KIF20B: variants seen among roughly 807,000 people sequenced by gnomAD.
KIF20B encodes kinesin family member 20B.
A neutral mutation model predicts 232.5 loss-of-function variants in KIF20B; 188 were observed. The observed-to-expected ratio is 0.81, with a 90% CI of 0.72 to 0.91. The LOEUF (loss-of-function observed/expected upper bound fraction) is 0.91, where lower values mean the gene tolerates loss of function less well. KIF20B is among the 40% of genes least tolerant of loss of function. KIF20B has a pLI of 0.00. For synonymous variants in KIF20B, 712 were observed against 683.0 expected, an observed-to-expected ratio of 1.04 and a Z score of -0.66; for missense variants, 2,154 against 2,055.9, an observed-to-expected ratio of 1.05 and a Z score of -0.92.
chr10:89,728,905 TTGTGTGTGTGTGTGTGTGTG>T (rs71022581), intron 17 of KIF20B, among the ~76,000 whole-genome samples: 3 of 138,024 alleles, frequency 2.2e-5, no homozygotes, highest in African/African-American at 8.4e-5. Context: ...TCTTTTTTCT[TTGTGTGTGTGTGTGTGTGTG>T]TGTGTGTGTG....
chr10:89,721,468 T>G (rs1843054911), intron 13 of KIF20B, among the ~76,000 whole-genome samples: 1 of 152,066 alleles, frequency 6.6e-6, no homozygotes, highest in Admixed American at 6.5e-5. Context: ...GCTCAGGAGT[T>G]CAAAACTAGC....
chr10:89,774,156 A>G lies in KIF20B; in HGVS notation c.*108A>G, dbSNP rs1842523208. On this transcript the variant is annotated 3_prime_UTR_variant, in exon 33 of 33. Transcript: ENST00000371728. ...TATTATGCATTAAATCACTCTGCAT[A>G]TAGATTGCTGTTTTATACATAGTAT... 3 of 547,550 alleles carry G rather than the reference A, an allele frequency of 5.5e-6. No homozygotes were observed. Among genetic ancestry groups the G allele is most frequent in the Admixed American group, 7.1e-5 (2 of 27,974 alleles). 33.9% of individuals were successfully genotyped at this position (547,550 alleles called of 1,614,324 possible). A position where few individuals can be genotyped will look rare whatever the true frequency, so the allele number is the denominator to read the frequency against.
At chr10:89,724,549 A>G (rs1222410807) in intron 14 of KIF20B, among the ~76,000 whole-genome samples, 1 of 152,098 alleles carries the variant, frequency 6.6e-6, no homozygotes, top group East Asian at 1.9e-4. Context: ...AAAAAAGAAT[A>G]TAGCTGTAAC....
intron 21 of KIF20B, among the ~76,000 whole-genome samples, chr10:89,739,771 A>G (rs1841753496): frequency 6.6e-6 from 1 of 151,928 alleles, no homozygotes; most frequent in Non-Finnish European, 1.5e-5. Flanking sequence ...AAAAGTGACT[A>G]CTGAATGTTG....
chr10:89,718,984 G>C, intron 12 of KIF20B, 112 bp downstream of exon 12: 1 of 707,240 alleles, frequency 1.4e-6, no homozygotes, highest in Non-Finnish European at 2.1e-6. Flanking sequence ...AAATTAAAAA[G>C]GTAAATATTT....
chr10:89,715,183 G>A lies in KIF20B; in HGVS notation c.940+1G>A. On this transcript the variant is annotated splice_donor_variant, in intron 8 of 32. Transcript: ENST00000371728. LOFTEE classifies it high-confidence loss of function. Reference sequence around the variant, plus strand: ...GTAAAGGGCTATTCTTTTATAAAAGGTATACTAATGAATATTTTTATCTTA... The same window carrying A: ...GTAAAGGGCTATTCTTTTATAAAAGATATACTAATGAATATTTTTATCTTA... The A allele has an allele frequency of 6.5e-7, 1 of 1,542,198 alleles. No homozygotes were observed. The highest frequency in any genetic ancestry group is 8.9e-7 in the Non-Finnish European group (1 of 1,126,032).
intron 17 of KIF20B, among the ~76,000 whole-genome samples, chr10:89,728,882 A>T (rs1024509045): frequency 2.3e-4 from 35 of 149,172 alleles, no homozygotes; most frequent in African/African-American, 8.4e-4. Context: ...TTCCTCTTAT[A>T]TGCTATATAG....
chr10:89,770,913 T>C (rs1328336051), intron 31 of KIF20B, among the ~76,000 whole-genome samples: 1 of 152,074 alleles, frequency 6.6e-6, no homozygotes, highest in Non-Finnish European at 1.5e-5. Flanking sequence ...GATTTCTCAT[T>C]CTTCTGAATG....
At chr10:89,751,504 T>C (rs751040766) in intron 24 of KIF20B, 33 bp downstream of exon 24, 6 of 1,566,104 alleles carry the variant, frequency 3.8e-6, no homozygotes, top group African/African-American at 1.4e-5. Context: ...TCTCTAAATA[T>C]ACTTTTTCAT....
chr10:89,766,216 T>C (rs1240823914), intron 29 of KIF20B: 1 of 152,158 alleles, frequency 6.6e-6, no homozygotes, highest in Non-Finnish European at 1.5e-5. Context: ...TATTCTTTTT[T>C]CTCTAAACTT....
intron 27 of KIF20B, among the ~76,000 whole-genome samples, chr10:89,759,630 G>C (rs1564674323): frequency 6.6e-6 from 1 of 152,132 alleles, no homozygotes; most frequent in Non-Finnish European, 1.5e-5. Context: ...ATCAACTGCT[G>C]TCGCTGTGGT....
In KIF20B at chr10:89,745,848, A is replaced by G. The variant is rs1458540887; in HGVS notation, c.4036-51A>G. On this transcript the variant is annotated intron_variant, in intron 22 of 32. Transcript: ENST00000371728. ...CTGTTTTCAAGATCCACTGTTAAATATTGTGTTTTTAAGTTAATTTGCAAT... is the reference window on the plus strand; with the variant it reads ...CTGTTTTCAAGATCCACTGTTAAATGTTGTGTTTTTAAGTTAATTTGCAAT... The G allele has an allele frequency of 5.8e-6, 7 of 1,207,918 alleles. No individual in the cohort carries two copies. In the Admixed American group the frequency reaches 6.9e-5, roughly 12 times the overall value. The allele number at this position is 1,207,918 out of a possible 1,614,324, so 74.8% of individuals were successfully genotyped here. A position where few individuals can be genotyped will look rare whatever the true frequency, so the allele number is the denominator to read the frequency against.
At chr10:89,719,256 C>A (rs775722534) in intron 12 of KIF20B, among the ~76,000 whole-genome samples, 163 bp from the exon 13 acceptor site, 18 of 152,122 alleles carry the variant, frequency 1.2e-4, no homozygotes, top group Non-Finnish European at 2.2e-4. Context: ...TTTTTCCTAT[C>A]AGAATGTTCT....
Position 89,763,781 on chromosome 10 carries a change from C to T in KIF20B, c.4989+946C>T, listed in dbSNP as rs150276743. On this transcript the variant is annotated intron_variant, in intron 29 of 32. Coordinates refer to ENST00000371728, the MANE Select transcript of KIF20B (RefSeq NM_001284259.2). ...ATGGATTAATGTGTTGAAAATGCTT[C>T]GCTTTTGCTCTGCAAGTGGCAGTTA... Among the ~76,000 whole-genome samples, 25 of 151,246 alleles carry T rather than the reference C, an allele frequency of 1.7e-4. No homozygotes were observed. The East Asian group carries it at 3.1e-3, about 19-fold the overall frequency.
chr10:89,763,293 T>C (rs1376860565), intron 29 of KIF20B, among the ~76,000 whole-genome samples: 2 of 152,040 alleles, frequency 1.3e-5, no homozygotes, highest in African/African-American at 2.4e-5. Flanking sequence ...AAATAAAGAA[T>C]ATTACTGTGG....
intron 1 of KIF20B, among the ~76,000 whole-genome samples, chr10:89,703,017 T>C (rs1842643766): frequency 6.6e-6 from 1 of 152,222 alleles, no homozygotes; most frequent in Non-Finnish European, 1.5e-5. Flanking sequence ...AAAATGAGCA[T>C]ATGAACAAAT....
rs775560493 is a variant in KIF20B, at chr10:89,751,346, A to T, written c.4097A>T (p.Asp1366Val). The T allele has an allele frequency of 4.4e-6, 7 of 1,596,028 alleles. No homozygotes were observed. The highest frequency in any genetic ancestry group is 6.0e-6 in the Non-Finnish European group (7 of 1,173,116). The stretch of plus-strand genomic sequence containing the variant: ...TAAAATGTTCTCCCCCGATTTTTAG[A>T]TCTAAATGTTAAAGAGAAAATAATT... ...AIQQYERACK[D>V]LNVKEKIIED... Residue 1366 changes from aspartate (D) to valine (V), a missense_variant and splice_region_variant, in exon 24 of 33, where the codon GAT becomes GTT. Asp to Val is a radical substitution (Grantham distance 152). Coordinates refer to ENST00000371728, the MANE Select transcript of KIF20B (RefSeq NM_001284259.2).
intron 24 of KIF20B, 135 bp downstream of exon 24, chr10:89,751,606 G>A: frequency 1.2e-6 from 1 of 807,654 alleles, no homozygotes; most frequent in Non-Finnish European, 1.9e-6. Flanking sequence ...TTTTTTGAAT[G>A]TCCTATTACT....
In KIF20B at chr10:89,715,546, A is replaced by G. The variant is rs149364132; in HGVS notation, c.940+364A>G. On this transcript the variant is annotated intron_variant, in intron 8 of 32. Transcript: ENST00000371728. ...TTCTAACCTTTTAAAACAATTATTC[A>G]CAGTAGGAAACACATATTAATAACA... Among the ~76,000 whole-genome samples the G allele has an allele frequency of 6.2e-3, 947 of 152,308 alleles. 31 individuals are homozygous for G. Among genetic ancestry groups the G allele is most frequent in the East Asian group, 4.8e-3 (25 of 5,190 alleles).
Sources: gnomAD v4.1 joint callset for allele counts (sites outside exome capture counted in the v4.1 genomes callset) on GRCh38, gnomAD v4.1.1 for gene constraint, MANE v1.5 for transcripts, NCBI Gene and HGNC (gene_info 2026-07-23, HGNC 2026-07-21) for gene names.